NRF1: variants seen among roughly 807,000 people sequenced by gnomAD.
The protein encoded by NRF1 is alpha palindromic-binding protein.
Under a neutral mutation model 58.5 loss-of-function variants are expected in NRF1, and 5 were observed. That is an observed-to-expected ratio of 0.09 (90% CI 0.04 to 0.18). NRF1 has a LOEUF of 0.18. Among genes scored for constraint, NRF1 ranks in the 10% least tolerant of loss-of-function variants. The pLI is 1.00. For synonymous variants in NRF1, 224 were observed against 246.7 expected, an observed-to-expected ratio of 0.91 and a Z score of 0.86; for missense variants, 288 against 657.7, an observed-to-expected ratio of 0.44 and a Z score of 6.15.
chr7:129,673,631 G>A (rs1802102973), intron 3 of NRF1, among the ~76,000 whole-genome samples: 1 of 150,238 alleles, frequency 6.7e-6, no homozygotes, highest in Non-Finnish European at 1.5e-5. Context: ...GCAGGAGAAT[G>A]GCGTGAACCC....
At chr7:129,623,887 C>T (rs1800858617) in intron 1 of NRF1, among the ~76,000 whole-genome samples, 1 of 152,194 alleles carries the variant, frequency 6.6e-6, no homozygotes, top group Non-Finnish European at 1.5e-5. Flanking sequence ...ATTCTTAAAT[C>T]AGTATCTTCC....
intron 5 of NRF1, among the ~76,000 whole-genome samples, chr7:129,703,614 C>T (rs1802885629): frequency 6.6e-6 from 1 of 152,136 alleles, no homozygotes; most frequent in Admixed American, 6.6e-5. Context: ...ATCTCTTAAG[C>T]ATTTAAAAGT....
intron 7 of NRF1, among the ~76,000 whole-genome samples, chr7:129,711,076 T>C (rs1803062424): frequency 6.6e-6 from 1 of 152,014 alleles, no homozygotes; most frequent in African/African-American, 2.4e-5. Context: ...GGCCACCATG[T>C]CTGGCCTTAA....
rs1802643519 is a variant in NRF1 at position 129,694,553 on chromosome 7, A to G, written c.606+4007A>G. ...CTAATTTTTTTTGGATTTTTAGTAG[A>G]GACAGGGTTTCACCACGTTGACCAG... On this transcript the variant is annotated intron_variant, in intron 5 of 10. Coordinates refer to ENST00000393232, the MANE Select transcript of NRF1 (RefSeq NM_005011.5). Among the ~76,000 whole-genome samples, 3 of 152,104 alleles carry G rather than the reference A, an allele frequency of 2.0e-5. No homozygotes were observed. In the South Asian group the frequency reaches 6.2e-4, roughly 31 times the overall value.
chr7:129,662,383 AGTGTGTGTGTGTGTGTGT>A (rs3042950), intron 2 of NRF1, among the ~76,000 whole-genome samples: 41 of 145,746 alleles, frequency 2.8e-4, no homozygotes, highest in African/African-American at 3.0e-4. Context: ...TAGAATTTCT[AGTGTGTGTGTGTGTGTGT>A]GTGTGTGTGT....
At chr7:129,726,408 C>T (rs904096975) in intron 9 of NRF1, among the ~76,000 whole-genome samples, 5 of 152,062 alleles carry the variant, frequency 3.3e-5, no homozygotes, top group African/African-American at 1.2e-4. Flanking sequence ...TATTTATGCA[C>T]ATAGTAAAAG....
intron 1 of NRF1, among the ~76,000 whole-genome samples, chr7:129,623,469 A>G (rs1184279174): frequency 6.6e-6 from 1 of 152,084 alleles, no homozygotes; most frequent in African/African-American, 2.4e-5. Context: ...AATCCAACTC[A>G]TACACTCAGT....
intron 6 of NRF1, 58 bp downstream of exon 6, chr7:129,709,291 CA>C (rs1803017425): frequency 2.9e-6 from 4 of 1,369,374 alleles, no homozygotes; most frequent in Admixed American, 2.7e-5. Context: ...TTAACCACCT[CA>C]ATTTTTGTCA....
At chr7:129,628,862 T>A (rs942731797) in intron 1 of NRF1, among the ~76,000 whole-genome samples, 1 of 152,250 alleles carries the variant, frequency 6.6e-6, no homozygotes, top group Admixed American at 6.5e-5. Context: ...ATATTTTAAC[T>A]GATGCATGAT....
chr7:129,746,804 A>C (rs1803986917), intron 10 of NRF1, among the ~76,000 whole-genome samples: 1 of 152,134 alleles, frequency 6.6e-6, no homozygotes, highest in Non-Finnish European at 1.5e-5. Flanking sequence ...TTTAAGAATT[A>C]TTTCTTTTCC....
chr7:129,676,935 C>T (rs1440660190), intron 3 of NRF1, among the ~76,000 whole-genome samples: 1 of 149,984 alleles, frequency 6.7e-6, no homozygotes, highest in African/African-American at 2.5e-5. Flanking sequence ...ATAGTAAAAG[C>T]AAATCATTTG....
intron 10 of NRF1, among the ~76,000 whole-genome samples, chr7:129,742,532 A>G (rs1584689650): frequency 3.3e-5 from 5 of 152,294 alleles, no homozygotes; most frequent in Admixed American, 2.6e-4. Context: ...ATAGTTTCTC[A>G]TGCAGAGGCC....
intron 4 of NRF1, among the ~76,000 whole-genome samples, chr7:129,681,734 C>A (rs1341538390): frequency 6.6e-6 from 1 of 151,890 alleles, no homozygotes; most frequent in East Asian, 1.9e-4. Context: ...CCGCCACACC[C>A]AGCTAAGATA....
chr7:129,683,832 C>G (rs529033501), intron 4 of NRF1, among the ~76,000 whole-genome samples: 1 of 151,784 alleles, frequency 6.6e-6, no homozygotes, highest in African/African-American at 2.4e-5. Context: ...GAGGCTTCAC[C>G]ATGTTGGCCA....
intron 5 of NRF1, among the ~76,000 whole-genome samples, chr7:129,708,744 A>C (rs1308087140): frequency 6.6e-6 from 1 of 152,196 alleles, no homozygotes; most frequent in East Asian, 1.9e-4. Context: ...GGCACCTTAC[A>C]TGCATGAAAA....
chr7:129,655,651 A>G (rs1801637299), intron 1 of NRF1, among the ~76,000 whole-genome samples: 1 of 152,050 alleles, frequency 6.6e-6, no homozygotes, highest in African/African-American at 2.4e-5. Context: ...CCTCCTGAGT[A>G]GCTGGGATTA....
chr7:129,625,806 C>T (rs191547626), intron 1 of NRF1, among the ~76,000 whole-genome samples: 24 of 151,730 alleles, frequency 1.6e-4, no homozygotes, highest in Middle Eastern at 3.4e-3. Flanking sequence ...CTCAGCCTCC[C>T]GAGTAGCTGG....
intron 2 of NRF1, among the ~76,000 whole-genome samples, chr7:129,657,914 A>C (rs548839059): frequency 4.9e-4 from 74 of 152,236 alleles, no homozygotes; most frequent in African/African-American, 1.6e-3. Context: ...CCTGGCCTTT[A>C]TCACAACTTT....
At chr7:129,651,720 A>G (rs192296883) in intron 1 of NRF1, among the ~76,000 whole-genome samples, 2 of 152,324 alleles carry the variant, frequency 1.3e-5, no homozygotes, top group East Asian at 3.9e-4. Flanking sequence ...AATGGATGGA[A>G]AAATAGCATT....
Sources: allele counts gnomAD v4.1 joint callset (sites outside exome capture counted in the v4.1 genomes callset), GRCh38; gene constraint gnomAD v4.1.1; transcripts MANE v1.5; gene names NCBI Gene and HGNC (gene_info 2026-07-23, HGNC 2026-07-21).